ADGRL3: variants seen among roughly 807,000 people sequenced by gnomAD.
ADGRL3 encodes adhesion G protein-coupled receptor L3.
Under a neutral mutation model 153.5 loss-of-function variants are expected in ADGRL3, and 62 were observed. The ratio of observed to expected loss-of-function variants is 0.40; its 90% CI spans 0.33 to 0.50. The LOEUF is 0.50. Ranked by LOEUF, ADGRL3 falls within the 20% of genes least tolerant of loss-of-function variation. The pLI is 0.47. For missense variants in ADGRL3, 1,641 were observed against 1,859.4 expected, an observed-to-expected ratio of 0.88 and a Z score of 2.16; for synonymous variants, 710 against 672.5, an observed-to-expected ratio of 1.06 and a Z score of -0.86.
chr4:62,037,735 GAA>G lies in ADGRL3; in HGVS notation c.3599_3600del (p.Lys1200ArgfsTer12). The G allele has an allele frequency of 6.2e-7, 1 of 1,613,672 alleles. No individual in the cohort carries two copies. Among genetic ancestry groups the G allele is most frequent in the South Asian group, 1.1e-5 (1 of 91,074 alleles). ...AGTTAATATTTAATTGGCTAGGTAC[GAA>G]AAGAGTATGGGAAATGCCTGCGAAC... On this transcript the variant is annotated frameshift_variant, in exon 24 of 27. Transcript: ENST00000683033. LOFTEE classifies it high-confidence loss of function.
chr4:61,521,253 A>G (rs2098529415), intron 4 of ADGRL3, among the ~76,000 whole-genome samples: 1 of 152,100 alleles, frequency 6.6e-6, no homozygotes, highest in Non-Finnish European at 1.5e-5. Flanking sequence ...CAAGCACAGA[A>G]ATGGAAGAAG....
At chr4:61,464,357 T>A (rs575160286) in intron 2 of ADGRL3, among the ~76,000 whole-genome samples, 1 of 152,086 alleles carries the variant, frequency 6.6e-6, no homozygotes, top group African/African-American at 2.4e-5. Context: ...AACTCAAGAG[T>A]CATTAATGTC....
At chr4:61,773,149 T>C (rs1044644918) in intron 8 of ADGRL3, among the ~76,000 whole-genome samples, 1 of 152,146 alleles carries the variant, frequency 6.6e-6, no homozygotes, top group African/African-American at 2.4e-5. Context: ...GAGCACAGTT[T>C]ACATGCACTT....
chr4:61,755,014 T>G (rs1580648967), intron 8 of ADGRL3, among the ~76,000 whole-genome samples: 1 of 152,212 alleles, frequency 6.6e-6, no homozygotes, highest in Admixed American at 6.5e-5. Context: ...TAATCCAGTC[T>G]ATCATTGTTG....
At chr4:61,587,158 C>T (rs531582529) in intron 4 of ADGRL3, 69 bp from the exon 5 acceptor site, 187 of 996,872 alleles carry the variant, frequency 1.9e-4, no homozygotes, top group Admixed American at 4.8e-4. Flanking sequence ...ATTGGAAAAG[C>T]GAACACATGT....
At chr4:61,808,114 C>T (rs1216244376) in intron 8 of ADGRL3, among the ~76,000 whole-genome samples, 1 of 152,042 alleles carries the variant, frequency 6.6e-6, no homozygotes, top group African/African-American at 2.4e-5. Context: ...TTACTTTACT[C>T]ACCTCAGTTA....
chr4:61,512,908 T>G (rs1270670439), intron 3 of ADGRL3, among the ~76,000 whole-genome samples: 1 of 152,052 alleles, frequency 6.6e-6, no homozygotes, highest in Non-Finnish European at 1.5e-5. Context: ...GTTAGAGTCA[T>G]AGCTATATTA....
chr4:61,964,780 C>T (rs2099000036), intron 17 of ADGRL3, among the ~76,000 whole-genome samples: 1 of 151,722 alleles, frequency 6.6e-6, no homozygotes, highest in Non-Finnish European at 1.5e-5. Flanking sequence ...TATAATGGTT[C>T]TAATCATCCA....
intron 3 of ADGRL3, among the ~76,000 whole-genome samples, chr4:61,501,241 AT>A (rs921721386): frequency 2.0e-5 from 3 of 152,202 alleles, no homozygotes; most frequent in African/African-American, 7.2e-5. Context: ...ACAGACTTGT[AT>A]TTCTTCCCTC....
intron 1 of ADGRL3, among the ~76,000 whole-genome samples, chr4:61,273,779 C>A (rs965754840): frequency 1.3e-5 from 2 of 152,040 alleles, no homozygotes; most frequent in Admixed American, 6.6e-5. Context: ...CCCCGCACCC[C>A]GTGGAATTGG....
intron 1 of ADGRL3, among the ~76,000 whole-genome samples, chr4:61,273,918 C>T (rs904915426): frequency 3.5e-4 from 53 of 152,258 alleles, no homozygotes; most frequent in African/African-American, 1.2e-3. Flanking sequence ...GAGAATTTGA[C>T]ATAGTAACTA....
chr4:61,902,141 T>A (rs2098668052), intron 11 of ADGRL3, among the ~76,000 whole-genome samples: 1 of 152,144 alleles, frequency 6.6e-6, no homozygotes, highest in African/African-American at 2.4e-5. Context: ...TGGGTGCCAC[T>A]GGAGAGGATG....
chr4:61,851,713 A>G (rs569848070), intron 9 of ADGRL3, among the ~76,000 whole-genome samples: 2 of 152,230 alleles, frequency 1.3e-5, no homozygotes, highest in Admixed American at 6.5e-5. Flanking sequence ...TCCCTCTAAA[A>G]TGGTGTTTCC....
intron 8 of ADGRL3, among the ~76,000 whole-genome samples, chr4:61,742,988 T>C (rs2096600800): frequency 6.7e-6 from 1 of 150,254 alleles, no homozygotes; most frequent in Admixed American, 6.6e-5. Context: ...GACTGCAATA[T>C]TTTAGCCTTA....
intron 4 of ADGRL3, among the ~76,000 whole-genome samples, chr4:61,560,871 A>G (rs564610802): frequency 6.6e-6 from 1 of 152,280 alleles, no homozygotes; most frequent in African/African-American, 2.4e-5. Flanking sequence ...TTTTACTAAA[A>G]TATAGATTCT....
chr4:61,955,687 C>T (rs1051129506), intron 17 of ADGRL3, among the ~76,000 whole-genome samples: 1 of 152,064 alleles, frequency 6.6e-6, no homozygotes, highest in Non-Finnish European at 1.5e-5. Context: ...CCTTCCCTCA[C>T]CCCCCAATCC....
At chr4:61,588,383 G>A (rs1233328621) in intron 5 of ADGRL3, among the ~76,000 whole-genome samples, 2 of 151,812 alleles carry the variant, frequency 1.3e-5, no homozygotes, top group African/African-American at 4.8e-5. Flanking sequence ...TTCACCTTTT[G>A]TCTTCTTCAT....
chr4:61,736,392 G>T (rs1177495908), intron 8 of ADGRL3, among the ~76,000 whole-genome samples: 1 of 152,118 alleles, frequency 6.6e-6, no homozygotes, highest in Non-Finnish European at 1.5e-5. Context: ...GGTGGCTCTT[G>T]CCTGTAATCC....
intron 8 of ADGRL3, among the ~76,000 whole-genome samples, chr4:61,769,517 C>A (rs1429803726): frequency 1.3e-5 from 2 of 152,004 alleles, no homozygotes; most frequent in East Asian, 3.9e-4. Context: ...AGGGAGGTCC[C>A]CCGATCCGAG....
Sources: allele counts gnomAD v4.1 joint callset (sites outside exome capture counted in the v4.1 genomes callset), GRCh38; gene constraint gnomAD v4.1.1; transcripts MANE v1.5; gene names NCBI Gene and HGNC (gene_info 2026-07-23, HGNC 2026-07-21).